SCN4A: variants seen among roughly 807,000 people sequenced by gnomAD.
SCN4A encodes the protein sodium voltage-gated channel alpha subunit 4, also known as sodium channel protein type 4 subunit alpha.
SCN4A carries 83 observed loss-of-function variants against 162.0 expected under a neutral mutation model. The observed-to-expected ratio is 0.51, with a 90% CI of 0.43 to 0.61. SCN4A has a LOEUF of 0.61. SCN4A is among the 20% of genes least tolerant of loss of function. SCN4A has a pLI of 0.00. For synonymous variants in SCN4A, 944 were observed against 985.1 expected (o/e 0.96, Z 0.78); for missense variants, 2,196 against 2,462.5 (o/e 0.89, Z 2.29).
chr17:63,947,229 G>A (rs1263036698), intron 17 of SCN4A, 62 bp from the exon 18 acceptor site: 2 of 1,600,960 alleles, frequency 1.2e-6, no homozygotes, highest in Non-Finnish European at 1.7e-6. Context: ...TCAAGCCCAG[G>A]CCACGGGGGT....
rs1225844351 is a variant in SCN4A, at chr17:63,945,649, G to A, written c.3442-11C>T. ...GGCGTTCACCACCACCTGGGGGCCA[G>A]GGGGTCCATTGCCAGTGCCTCTCCC... is the stretch of plus-strand genomic sequence containing the variant. On this transcript the variant is annotated splice_polypyrimidine_tract_variant and intron_variant, in intron 18 of 23. Coordinates refer to ENST00000435607, the MANE Select transcript of SCN4A (RefSeq NM_000334.4). The surrounding 1 kb of genome is among the most constrained non-coding windows in gnomAD (Gnocchi z 4.4). 2 of 1,613,380 alleles carry A rather than the reference G, an allele frequency of 1.2e-6. No individual in the cohort carries two copies. The highest frequency in any genetic ancestry group is 2.2e-5 in the East Asian group (1 of 44,886).
At chr17:63,961,498 G>C (rs1033654470) in intron 10 of SCN4A, 67 bp from the exon 11 acceptor site, 7 of 1,199,900 alleles carry the variant, frequency 5.8e-6, no homozygotes, top group Non-Finnish European at 8.6e-6. Flanking sequence ...GCTCCAGCTA[G>C]AGCTTTTGTT....
At chr17:63,969,127 G>A (rs190437588) in intron 5 of SCN4A, among the ~76,000 whole-genome samples, 62 of 152,320 alleles carry the variant, frequency 4.1e-4, no homozygotes, top group African/African-American at 1.4e-3. Context: ...ACAGGCATGA[G>A]CCACCTCACC....
At chr17:63,966,297 G>GTCCCTATCTGCCCCCA in intron 7 of SCN4A, 54 bp from the exon 8 acceptor site, 1 of 1,560,198 alleles carries the variant, frequency 6.4e-7, no homozygotes, top group Non-Finnish European at 8.7e-7. Context: ...TCCAGCTGGG[G>GTCCCTATCTGCCCCCA]GCAGATAGGG....
rs1477602691 is a variant in SCN4A, at chr17:63,951,217, A to G, written c.2853+207T>C. ...AGACAGGGTTGATCATAATAACCAC[A>G]TCAATAACGATAGTGACTGCCACCA... On this transcript the variant is annotated intron_variant, in intron 14 of 23. Transcript: ENST00000435607. This position sits in a 1 kb window ranked among gnomAD's most constrained non-coding sequence, Gnocchi z 4.5. Among the ~76,000 whole-genome samples, 1 of 152,184 alleles carries G rather than the reference A, an allele frequency of 6.6e-6. No individual in the cohort carries two copies. The highest frequency in any genetic ancestry group is 2.4e-5 in the African/African-American group (1 of 41,430).
At chr17:63,946,832 G>A (rs890502939) in intron 18 of SCN4A, among the ~76,000 whole-genome samples, 1 of 152,134 alleles carries the variant, frequency 6.6e-6, no homozygotes, top group African/African-American at 2.4e-5. Context: ...TGGATCGGGG[G>A]CTGAGAGTGG....
rs1908677544 is a variant in SCN4A at position 63,945,304 on chromosome 17, CG to C, written c.3720+55del. 2.0e-6 allele frequency: 3 copies of C among 1,493,570 alleles called. No individual in the cohort carries two copies. Among genetic ancestry groups the C allele is most frequent in the Admixed American group, 3.5e-5 (2 of 57,492 alleles). The allele number at this position is 1,493,570 out of a possible 1,614,324, so 92.5% of individuals were successfully genotyped here. On this transcript the variant is annotated intron_variant, in intron 19 of 23. Coordinates refer to ENST00000435607, the MANE Select transcript of SCN4A (RefSeq NM_000334.4). This position sits in a 1 kb window ranked among gnomAD's most constrained non-coding sequence, Gnocchi z 4.4. ...CTGGGGTTGGGTACAACGAGAGGAC[CG>C]GGGTGGGGGGCACCTCCATCCAGGT...
At position 63,972,860 on chromosome 17, in the gene SCN4A, G is replaced by T; in HGVS notation, c.-19C>A. 6.3e-7 allele frequency: 1 copy of T among 1,591,980 alleles called. No homozygotes were observed. Reference sequence around the variant, plus strand: ...TGGCCATCCTCGCATCCTGGGCTCAGAGACCAGAAGGGTGGTGGGTGGCCT... The same window carrying T: ...TGGCCATCCTCGCATCCTGGGCTCATAGACCAGAAGGGTGGTGGGTGGCCT... On this transcript the variant is annotated 5_prime_UTR_variant, in exon 1 of 24. In the 5' UTR this introduces an upstream ATG that the reference lacks. Coordinates refer to ENST00000435607, the MANE Select transcript of SCN4A (RefSeq NM_000334.4). This position sits in a 1 kb window ranked among gnomAD's most constrained non-coding sequence, Gnocchi z 4.3.
chr17:63,968,339 C>T lies in SCN4A; in HGVS notation c.720G>A (p.Val240=), dbSNP rs1909518944. The change falls in exon 6 of 24, where the codon GTG becomes GTA. Residue 240 remains valine, a synonymous_variant. Transcript: ENST00000435607. The part of the protein sequence containing the change: ...ITVIPGLKTI[V]GALIQSVKKL... ...TTTTCACCGACTGGATCAGGGCCCCCACGATCGTCTTCAGCCCTGACCGCA... is the reference window on the plus strand; with the variant it reads ...TTTTCACCGACTGGATCAGGGCCCCTACGATCGTCTTCAGCCCTGACCGCA... 6.2e-7 allele frequency: 1 copy of T among 1,600,126 alleles called. No individual in the cohort carries two copies. The highest frequency in any genetic ancestry group is 8.5e-7 in the Non-Finnish European group (1 of 1,170,842).
rs1908484686 is a variant in SCN4A at position 63,940,562 on chromosome 17, C to T, written c.*209G>A. ...CAGGGGCCTCAGACCCAGCATGGAG[C>T]CCCTGAGCGCAATTCCCATTTCCCA... On this transcript the variant is annotated 3_prime_UTR_variant, in exon 24 of 24. Transcript: ENST00000435607. 4 of 520,218 alleles carry T rather than the reference C, an allele frequency of 7.7e-6. No homozygotes were observed. The South Asian group carries it at 1.7e-4, about 22-fold the overall frequency. The allele number at this position is 520,218 out of a possible 1,614,324, so 32.2% of individuals were successfully genotyped here. A position where few individuals can be genotyped will look rare whatever the true frequency, so the allele number is the denominator to read the frequency against.
At position 63,946,920 on chromosome 17, in the gene SCN4A, C is replaced by T. The variant is rs1024064102; in HGVS notation, c.3441+125G>A. ...GGCCAGACCTGGCCTCAGGCAGGGC[C>T]GTGGGTCCAAGCTCTCTGCTTCCCT... On this transcript the variant is annotated intron_variant, in intron 18 of 23. Transcript: ENST00000435607. 73 of 956,870 alleles carry T rather than the reference C, an allele frequency of 7.6e-5. No homozygotes were observed. The East Asian group carries it at 1.0e-3, about 13-fold the overall frequency. 59.3% of individuals were successfully genotyped at this position (956,870 alleles called of 1,614,324 possible).
chr17:63,968,334 G>C lies in SCN4A; in HGVS notation c.725C>G (p.Ala242Gly). The change falls in exon 6 of 24, where the codon GCC becomes GGC. Residue 242 changes from alanine to glycine, a missense_variant. Physicochemically the swap from Ala to Gly is moderately conservative, Grantham distance 60 (BLOSUM62 0). Transcript: ENST00000435607. ...VIPGLKTIVGALIQSVKKLSD... is the reference protein window; with the variant it reads ...VIPGLKTIVGGLIQSVKKLSD... ...CAGCTTTTTCACCGACTGGATCAGG[G>C]CCCCCACGATCGTCTTCAGCCCTGA... 6.2e-7 allele frequency: 1 copy of C among 1,603,326 alleles called. No individual in the cohort carries two copies. Among genetic ancestry groups the C allele is most frequent in the Non-Finnish European group, 8.5e-7 (1 of 1,172,642 alleles).
chr17:63,961,096 C>T lies in SCN4A; in HGVS notation c.1845+97G>A. 2 of 754,360 alleles carry T rather than the reference C, an allele frequency of 2.7e-6. 1 individual carries two copies. Among genetic ancestry groups the T allele is most frequent in the South Asian group, 3.3e-5 (2 of 60,604 alleles). 46.7% of individuals were successfully genotyped at this position (754,360 alleles called of 1,614,324 possible). ...ACCCCAGCTGTCCGCATGTGTCCCCCACCGTGCCCTATATTTACATACAGC... is the reference window on the plus strand; with the variant it reads ...ACCCCAGCTGTCCGCATGTGTCCCCTACCGTGCCCTATATTTACATACAGC... On this transcript the variant is annotated intron_variant, in intron 11 of 23. Coordinates refer to ENST00000435607, the MANE Select transcript of SCN4A (RefSeq NM_000334.4).
At position 63,942,819 on chromosome 17, in the gene SCN4A, C is replaced by A; in HGVS notation, c.4288+7G>T. The A allele has an allele frequency of 6.2e-7, 1 of 1,611,948 alleles. No homozygotes were observed. The highest frequency in any genetic ancestry group is 8.5e-7 in the Non-Finnish European group (1 of 1,178,302). On this transcript the variant is annotated splice_region_variant and intron_variant, in intron 23 of 23. Coordinates refer to ENST00000435607, the MANE Select transcript of SCN4A (RefSeq NM_000334.4). ...GCTGCCCTGCCGGTCCAGCCCGCCCCGCTCACCCACAATGGACAGGATGAC... is the reference window on the plus strand; with the variant it reads ...GCTGCCCTGCCGGTCCAGCCCGCCCAGCTCACCCACAATGGACAGGATGAC...
intron 16 of SCN4A, 88 bp downstream of exon 16, chr17:63,948,523 C>T (rs1177680710): frequency 5.8e-6 from 7 of 1,202,612 alleles, no homozygotes; most frequent in Admixed American, 4.0e-5. Context: ...GAGCATGGCC[C>T]TTCCTGTGTG....
intron 11 of SCN4A, 35 bp from the exon 12 acceptor site, chr17:63,959,473 CG>C: frequency 6.2e-7 from 1 of 1,601,412 alleles, no homozygotes; most frequent in Non-Finnish European, 8.5e-7. Context: ...CACAGAGCCT[CG>C]GGGAGCCCAG....
At chr17:63,949,052 C>G (rs1441816956) in intron 15 of SCN4A, among the ~76,000 whole-genome samples, 2 of 152,224 alleles carry the variant, frequency 1.3e-5, no homozygotes, top group Non-Finnish European at 2.9e-5. Context: ...CCACCTCGCC[C>G]AGGCGGTCTC....
chr17:63,947,046 C>T lies in SCN4A; in HGVS notation c.3440G>A (p.Arg1147Lys). ...LRALSRFEGM[R>K]VVVNALLGAI... ...CCCAGAGGCCCCTTCAGCACCCACC[C>T]TCATGCCCTCGAATCGGGACAGTGC... is the stretch of plus-strand genomic sequence containing the variant. Residue 1147 changes from arginine (R) to lysine (K), a missense_variant and splice_region_variant, in exon 18 of 24, where the codon AGG (arginine) becomes AAG (lysine). Arg to Lys is a conservative substitution (Grantham distance 26). Transcript: ENST00000435607. 1.2e-6 allele frequency: 2 copies of T among 1,612,206 alleles called. No homozygotes were observed. Among genetic ancestry groups the T allele is most frequent in the Non-Finnish European group, 1.7e-6 (2 of 1,179,304 alleles).
At chr17:63,948,364 C>T (rs758349572) in intron 16 of SCN4A, among the ~76,000 whole-genome samples, 6 of 152,188 alleles carry the variant, frequency 3.9e-5, no homozygotes, top group Non-Finnish European at 8.8e-5. Context: ...CAGGGGTCTC[C>T]TGCCTCCTTA....
Sources: gnomAD v4.1 joint callset for allele counts (sites outside exome capture counted in the v4.1 genomes callset) on GRCh38, gnomAD v4.1.1 for gene constraint, Gnocchi (gnomAD v3.1) non-coding constraint, MANE v1.5 for transcripts, NCBI Gene and HGNC (gene_info 2026-07-23, HGNC 2026-07-21) for gene names.